ERCC3: variants seen among roughly 807,000 people sequenced by gnomAD.
The protein encoded by ERCC3 is ERCC excision repair 3, TFIIH core complex helicase subunit, also known as general transcription and DNA repair factor IIH helicase/translocase subunit XPB.
A neutral mutation model predicts 94.2 loss-of-function variants in ERCC3; 66 were observed. The observed-to-expected ratio is 0.70, with a 90% CI of 0.57 to 0.86. The LOEUF is 0.86. Ranked by LOEUF, ERCC3 falls within the 40% of genes least tolerant of loss-of-function variation. The probability of loss-of-function intolerance (pLI) is 0.00; values close to 1 mark genes in which losing one functional copy is unlikely to be tolerated. For missense variants in ERCC3, 829 were observed against 987.1 expected (o/e 0.84, Z 2.15); for synonymous variants, 349 against 369.1 (o/e 0.95, Z 0.63).
chr2:127,290,187 C>T lies in ERCC3; in HGVS notation c.521+37G>A, dbSNP rs746482904. On this transcript the variant is annotated intron_variant, in intron 4 of 14. Coordinates refer to ENST00000285398, the MANE Select transcript of ERCC3 (RefSeq NM_000122.2). ...ATTCCTGCTGGTGCGCAGAAAGTGA[C>T]AGTGCCTTGGGACAGGCCTGTCATG... is the stretch of plus-strand genomic sequence containing the variant. The T allele has an allele frequency of 1.9e-6, 3 of 1,569,170 alleles. No individual in the cohort carries two copies. In the African/African-American group the frequency reaches 4.1e-5, roughly 21 times the overall value.
intron 7 of ERCC3, among the ~76,000 whole-genome samples, chr2:127,288,360 C>T (rs1476136477): frequency 1.3e-5 from 2 of 152,194 alleles, no homozygotes; most frequent in Non-Finnish European, 2.9e-5. Context: ...AATTTTTCTT[C>T]GCTGACTCTA....
At chr2:127,294,021 G>A (rs1442929077) in intron 1 of ERCC3, 33 bp downstream of exon 1, 1 of 1,601,966 alleles carries the variant, frequency 6.2e-7, no homozygotes, top group Non-Finnish European at 8.5e-7. Context: ...GGCAAGGGCA[G>A]TCGTGGCTGA....
chr2:127,275,377 T>A (rs1163182181), intron 10 of ERCC3, among the ~76,000 whole-genome samples: 1 of 152,038 alleles, frequency 6.6e-6, no homozygotes, highest in Non-Finnish European at 1.5e-5. Flanking sequence ...AAAACACTAC[T>A]TCATACATTT....
At position 127,293,522 on chromosome 2, in the gene ERCC3, G is replaced by T. The variant is rs1331968980; in HGVS notation, c.225C>A (p.Pro75=). The change falls in exon 2 of 15, where the codon CCC becomes CCA. Residue 75 remains proline, a synonymous_variant. Transcript: ENST00000285398. ...MPLKDDHTSR[P]LWVAPDGHIF... is the part of the protein sequence containing the mutation. ...CTAAGGGCATGCTTACCACCCAGAG[G>T]GGCCTGGAGGTGTGGTCGTCCTTCA... is the stretch of plus-strand genomic sequence containing the variant. 6.2e-7 allele frequency: 1 copy of T among 1,613,962 alleles called. No individual in the cohort carries two copies. Among genetic ancestry groups the T allele is most frequent in the Admixed American group, 1.7e-5 (1 of 60,002 alleles).
In ERCC3 at chr2:127,259,423, T is replaced by A. The variant is rs1684124480; in HGVS notation, c.2090A>T (p.Glu697Val). 1 of 1,614,060 alleles carries A rather than the reference T, an allele frequency of 6.2e-7. No homozygotes were observed. Among genetic ancestry groups the A allele is most frequent in the Non-Finnish European group, 8.5e-7 (1 of 1,180,040 alleles). ...FKVITKLAGM[E>V]EEDLAFSTKE... ...TGTCGAAAACGCCAAGTCTTCCTCC[T>A]CCATGCCAGCGAGTTTCGTGATCAC... The change falls in exon 14 of 15, where the codon GAG becomes GTG. Residue 697 changes from glutamate to valine, a missense_variant. Physicochemically the swap from Glu to Val is moderately radical, Grantham distance 121 (BLOSUM62 -2). Coordinates refer to ENST00000285398, the MANE Select transcript of ERCC3 (RefSeq NM_000122.2). The surrounding 1 kb of genome is among the most constrained non-coding windows in gnomAD (Gnocchi z 4.9).
rs1465250168 is a variant in ERCC3, at chr2:127,257,492, G to A, written c.*104C>T. ...TCTTCCTCAGCACAATTTGGCCAAC[G>A]CTGGAGGGAAGGTCAAAGAGGTGGA... On this transcript the variant is annotated 3_prime_UTR_variant, in exon 15 of 15. Coordinates refer to ENST00000285398, the MANE Select transcript of ERCC3 (RefSeq NM_000122.2). This position sits in a 1 kb window ranked among gnomAD's most constrained non-coding sequence, Gnocchi z 5.4. The A allele has an allele frequency of 8.2e-6, 12 of 1,466,168 alleles. No homozygotes were observed. In the African/African-American group the frequency reaches 8.3e-5, roughly 10 times the overall value. 90.8% of individuals were successfully genotyped at this position (1,466,168 alleles called of 1,614,324 possible). A position where few individuals can be genotyped will look rare whatever the true frequency, so the allele number is the denominator to read the frequency against.
Position 127,279,701 on chromosome 2 carries a change from A to T in ERCC3, c.1528-326T>A, listed in dbSNP as rs1039133175. On this transcript the variant is annotated intron_variant, in intron 9 of 14. Transcript: ENST00000285398. This position sits in a 1 kb window ranked among gnomAD's most constrained non-coding sequence, Gnocchi z 4.7. The stretch of plus-strand genomic sequence containing the variant: ...CACTTGCCCAGGAGGCGGAGGTTGC[A>T]GTGAGCCAAGATCACGCCACTGCAC... Among the ~76,000 whole-genome samples the T allele has an allele frequency of 1.3e-5, 2 of 152,146 alleles. No homozygotes were observed. Among genetic ancestry groups the T allele is most frequent in the East Asian group, 3.8e-4 (2 of 5,198 alleles).
chr2:127,288,082 T>A (rs1685136564), intron 7 of ERCC3, among the ~76,000 whole-genome samples: 1 of 151,922 alleles, frequency 6.6e-6, no homozygotes, highest in African/African-American at 2.4e-5. Flanking sequence ...CTCAGTGGGG[T>A]CCCAAGGTGA....
At chr2:127,288,336 C>A (rs1290366375) in intron 7 of ERCC3, among the ~76,000 whole-genome samples, 1 of 152,156 alleles carries the variant, frequency 6.6e-6, no homozygotes, top group Non-Finnish European at 1.5e-5. Context: ...ACAATCTCAC[C>A]CCTCATGTGC....
At position 127,284,537 on chromosome 2, in the gene ERCC3, T is replaced by C. The variant is rs1685007725; in HGVS notation, c.1342+2166A>G. ...ATCTCTAGGTATCTCCAGAAACCCA[T>C]CAGGGCTGAAGAGCTCTCATGCACA... On this transcript the variant is annotated intron_variant, in intron 8 of 14. Coordinates refer to ENST00000285398, the MANE Select transcript of ERCC3 (RefSeq NM_000122.2). The surrounding 1 kb of genome is among the most constrained non-coding windows in gnomAD (Gnocchi z 4.1). 6.6e-6 allele frequency among the ~76,000 whole-genome samples: 1 copy of C among 152,214 alleles called. No individual in the cohort carries two copies. Among genetic ancestry groups the C allele is most frequent in the Non-Finnish European group, 1.5e-5 (1 of 68,026 alleles).
chr2:127,268,463 A>T (rs1684450909), intron 12 of ERCC3, among the ~76,000 whole-genome samples: 2 of 151,892 alleles, frequency 1.3e-5, no homozygotes, highest in African/African-American at 4.8e-5. Context: ...GGGTTTCATC[A>T]TGTTGCCCAG....
intron 10 of ERCC3, among the ~76,000 whole-genome samples, chr2:127,276,110 A>G (rs1684729790): frequency 6.6e-6 from 1 of 152,222 alleles, no homozygotes. Context: ...GGAAAAGGCA[A>G]GACTGAATGC....
chr2:127,259,591 T>C lies in ERCC3; in HGVS notation c.2065-143A>G. On this transcript the variant is annotated intron_variant, in intron 13 of 14. Coordinates refer to ENST00000285398, the MANE Select transcript of ERCC3 (RefSeq NM_000122.2). The surrounding 1 kb of genome is among the most constrained non-coding windows in gnomAD (Gnocchi z 4.9). ...TGGCCAACAATGGAGAGCTCCTCCC[T>C]AGCATTCCAGAGACCAGCATCAGGA... 1 of 1,036,840 alleles carries C rather than the reference T, an allele frequency of 9.6e-7. No homozygotes were observed. The highest frequency in any genetic ancestry group is 1.5e-6 in the Non-Finnish European group (1 of 670,148). 64.2% of individuals were successfully genotyped at this position (1,036,840 alleles called of 1,614,324 possible).
Position 127,257,455 on chromosome 2 carries a change from G to A in ERCC3, c.*141C>T. ...AGATGACCTATGAAGGCACAGCCAA[G>A]CCCTTGATGCATCTTCCTCAGCACA... On this transcript the variant is annotated 3_prime_UTR_variant, in exon 15 of 15. Coordinates refer to ENST00000285398, the MANE Select transcript of ERCC3 (RefSeq NM_000122.2). This position sits in a 1 kb window ranked among gnomAD's most constrained non-coding sequence, Gnocchi z 5.4. 9.7e-7 allele frequency: 1 copy of A among 1,035,048 alleles called. No individual in the cohort carries two copies. 64.1% of individuals were successfully genotyped at this position (1,035,048 alleles called of 1,614,324 possible).
In ERCC3 at chr2:127,290,258, A is replaced by T; in HGVS notation, c.487T>A (p.Tyr163Asn). The change falls in exon 4 of 15, where the codon TAT becomes AAT. Residue 163 changes from tyrosine to asparagine, a missense_variant. Physicochemically the swap from Tyr to Asn is moderately radical, Grantham distance 143. Transcript: ENST00000285398. Reference protein sequence around the residue: ...MQFIKLCTVSYGKVKLVLKHN... With the variant: ...MQFIKLCTVSNGKVKLVLKHN... ...TTCAAGACCAGCTTGACTTTTCCATAGCTGACAGTACACAACTGCAAATAC... is the reference window on the plus strand; with the variant it reads ...TTCAAGACCAGCTTGACTTTTCCATTGCTGACAGTACACAACTGCAAATAC... 1 of 1,613,898 alleles carries T rather than the reference A, an allele frequency of 6.2e-7. No homozygotes were observed. Among genetic ancestry groups the T allele is most frequent in the Non-Finnish European group, 8.5e-7 (1 of 1,179,752 alleles).
Position 127,264,503 on chromosome 2 carries a change from T to C in ERCC3, c.1946-3157A>G, listed in dbSNP as rs1437147931. Among the ~76,000 whole-genome samples the C allele has an allele frequency of 2.0e-5, 3 of 152,234 alleles. No individual in the cohort carries two copies. The highest frequency in any genetic ancestry group is 7.2e-5 in the African/African-American group (3 of 41,458). ...AAACCTTTTTCTGTGTCTATTAGGA[T>C]AATTATATGCTTTTCATTTTTAATT... On this transcript the variant is annotated intron_variant, in intron 12 of 14. Coordinates refer to ENST00000285398, the MANE Select transcript of ERCC3 (RefSeq NM_000122.2). This position sits in a 1 kb window ranked among gnomAD's most constrained non-coding sequence, Gnocchi z 4.4.
At chr2:127,263,072 T>C (rs1185798917) in intron 12 of ERCC3, among the ~76,000 whole-genome samples, 1 of 152,246 alleles carries the variant, frequency 6.6e-6, no homozygotes, top group Non-Finnish European at 1.5e-5. Context: ...CCCTGTAGCA[T>C]AGTTTGAAGT....
Position 127,257,475 on chromosome 2 carries a change from A to C in ERCC3, c.*121T>G, listed in dbSNP as rs1684046561. 8 of 1,244,854 alleles carry C rather than the reference A, an allele frequency of 6.4e-6. No individual in the cohort carries two copies. Among genetic ancestry groups the C allele is most frequent in the Non-Finnish European group, 9.5e-6 (8 of 845,636 alleles). The allele number at this position is 1,244,854 out of a possible 1,614,324, so 77.1% of individuals were successfully genotyped here. A position where few individuals can be genotyped will look rare whatever the true frequency, so the allele number is the denominator to read the frequency against. On this transcript the variant is annotated 3_prime_UTR_variant, in exon 15 of 15. Transcript: ENST00000285398. This position sits in a 1 kb window ranked among gnomAD's most constrained non-coding sequence, Gnocchi z 5.4. ...GCCAAGCCCTTGATGCATCTTCCTCAGCACAATTTGGCCAACGCTGGAGGG... is the reference window on the plus strand; with the variant it reads ...GCCAAGCCCTTGATGCATCTTCCTCCGCACAATTTGGCCAACGCTGGAGGG...
chr2:127,272,404 T>A (rs189520573), intron 11 of ERCC3, among the ~76,000 whole-genome samples: 1 of 152,094 alleles, frequency 6.6e-6, no homozygotes, highest in Non-Finnish European at 1.5e-5. Context: ...CAGCTTCTGA[T>A]TGCAGAGTAA....
Sources: allele counts gnomAD v4.1 joint callset (sites outside exome capture counted in the v4.1 genomes callset), GRCh38; gene constraint gnomAD v4.1.1; non-coding constraint Gnocchi (gnomAD v3.1); transcripts MANE v1.5; gene names NCBI Gene and HGNC (gene_info 2026-07-23, HGNC 2026-07-21).